PLAC9: variants seen among roughly 807,000 people sequenced by gnomAD.
PLAC9 encodes placenta-specific protein 9.
Under a neutral mutation model 11.5 loss-of-function variants are expected in PLAC9, and 12 were observed. The ratio of observed to expected loss-of-function variants is 1.05; its 90% CI spans 0.67 to 1.69. The LOEUF (loss-of-function observed/expected upper bound fraction) is 1.69, where lower values mean the gene tolerates loss of function less well. PLAC9 is among the 40% of genes most tolerant of loss of function. PLAC9 has a pLI of 0.00. For synonymous variants in PLAC9, 62 were observed against 58.1 expected, an observed-to-expected ratio of 1.07 and a Z score of -0.31; for missense variants, 132 against 130.5, an observed-to-expected ratio of 1.01 and a Z score of -0.06.
chr10:80,135,961 A>C (rs1172005500), intron 1 of PLAC9, among the ~76,000 whole-genome samples: 1 of 152,208 alleles, frequency 6.6e-6, no homozygotes, highest in Non-Finnish European at 1.5e-5. Context: ...GGCACCTTTC[A>C]GATGCCACTG....
chr10:80,142,328 T>A, intron 2 of PLAC9, 149 bp downstream of exon 2: 1 of 617,440 alleles, frequency 1.6e-6, no homozygotes, highest in Non-Finnish European at 2.7e-6. Flanking sequence ...CCCTCCCATC[T>A]AGGCTGCCGG....
intron 3 of PLAC9, 83 bp from the exon 4 acceptor site, chr10:80,144,817 A>C: frequency 7.3e-7 from 1 of 1,376,784 alleles, no homozygotes; most frequent in Non-Finnish European, 9.7e-7. Flanking sequence ...CGGGGAGGGA[A>C]GGGAAGGAAC....
At chr10:80,139,244 G>A (rs1184486860) in intron 1 of PLAC9, among the ~76,000 whole-genome samples, 5 of 152,130 alleles carry the variant, frequency 3.3e-5, no homozygotes, top group South Asian at 4.2e-4. Flanking sequence ...GAGCCACCGC[G>A]CCTGGCTAAA....
Position 80,145,075 on chromosome 10 carries a change from C to T in PLAC9, c.*165C>T. 3 of 898,076 alleles carry T rather than the reference C, an allele frequency of 3.3e-6. No homozygotes were observed. The highest frequency in any genetic ancestry group is 5.3e-6 in the Non-Finnish European group (3 of 561,528). 55.6% of individuals were successfully genotyped at this position (898,076 alleles called of 1,614,324 possible). On this transcript the variant is annotated 3_prime_UTR_variant, in exon 4 of 4. Transcript: ENST00000372263. ...GAGTAACCCGTTTAACTACAGCCTC[C>T]TCTCACTCCACTTCCATGCCTGGAG...
chr10:80,136,792 T>C (rs1028320468), intron 1 of PLAC9, among the ~76,000 whole-genome samples: 2 of 152,020 alleles, frequency 1.3e-5, no homozygotes, highest in Non-Finnish European at 2.9e-5. Context: ...GGATTACAGG[T>C]GTGAACCACC....
intron 1 of PLAC9, among the ~76,000 whole-genome samples, chr10:80,137,234 G>A (rs1844989715): frequency 6.6e-6 from 1 of 152,182 alleles, no homozygotes; most frequent in African/African-American, 2.4e-5. Flanking sequence ...CCTTTTCCCT[G>A]GAGGGGTTTT....
intron 1 of PLAC9, among the ~76,000 whole-genome samples, chr10:80,137,757 A>G (rs1043535060): frequency 1.3e-5 from 2 of 152,112 alleles, no homozygotes; most frequent in African/African-American, 4.8e-5. Context: ...TCTACAAAAA[A>G]TACAAAACGT....
chr10:80,142,122 G>C lies in PLAC9; in HGVS notation c.105G>C (p.Gln35His). The change falls in exon 2 of 4, where the codon CAG becomes CAC. Residue 35 changes from glutamine (Q) to histidine (H), a missense_variant. By Grantham distance (24) the Gln-to-His change is conservative. Coordinates refer to ENST00000372263, the MANE Select transcript of PLAC9 (RefSeq NM_001012973.3). ...PFSPPRGDSA[Q>H]STACDRHMAV... Reference sequence around the variant, plus strand: ...GCCCTCCGCGAGGAGACTCAGCTCAGAGCACAGCGTGTGACAGACACATGG... The same window carrying C: ...GCCCTCCGCGAGGAGACTCAGCTCACAGCACAGCGTGTGACAGACACATGG... The C allele has an allele frequency of 6.2e-7, 1 of 1,611,672 alleles. No individual in the cohort carries two copies. Among genetic ancestry groups the C allele is most frequent in the Non-Finnish European group, 8.5e-7 (1 of 1,178,132 alleles).
intron 2 of PLAC9, among the ~76,000 whole-genome samples, chr10:80,143,115 T>C (rs941944927): frequency 6.6e-6 from 1 of 152,014 alleles, no homozygotes; most frequent in South Asian, 2.1e-4. Context: ...CTTGGCTCAC[T>C]GCAACCTCTG....
In PLAC9 at chr10:80,132,825, C is replaced by A; in HGVS notation, c.63C>A (p.Ala21=). 6.7e-7 allele frequency: 1 copy of A among 1,496,044 alleles called. No homozygotes were observed. The highest frequency in any genetic ancestry group is 1.3e-5 in the South Asian group (1 of 79,728). The allele number at this position is 1,496,044 out of a possible 1,614,324, so 92.7% of individuals were successfully genotyped here. A position where few individuals can be genotyped will look rare whatever the true frequency, so the allele number is the denominator to read the frequency against. The change falls in exon 1 of 4, where the codon GCC becomes GCA. Residue 21 remains alanine, a splice_region_variant and synonymous_variant. Coordinates refer to ENST00000372263, the MANE Select transcript of PLAC9 (RefSeq NM_001012973.3). ...LALLRAAGSL[A]AAEPFSPPRG... ...TGCTCCGCGCCGCGGGCTCTTTGGC[C>A]GGTGAGTGGGGCGCAGGGCGCGGCA...
chr10:80,142,362 T>C (rs1845050670), intron 2 of PLAC9, among the ~76,000 whole-genome samples, 183 bp downstream of exon 2: 1 of 152,112 alleles, frequency 6.6e-6, no homozygotes, highest in Non-Finnish European at 1.5e-5. Flanking sequence ...CAGTGGACCC[T>C]GCCTCCCCTA....
intron 1 of PLAC9, among the ~76,000 whole-genome samples, chr10:80,140,922 T>G (rs1255224839): frequency 6.6e-6 from 1 of 152,190 alleles, no homozygotes; most frequent in Non-Finnish European, 1.5e-5. Context: ...TTGGCCCTCT[T>G]CTTGGCCTCA....
rs1845046300 is a variant in PLAC9 at position 80,142,066 on chromosome 10, A to G, written c.65-16A>G. 3.1e-6 allele frequency: 5 copies of G among 1,599,400 alleles called. No homozygotes were observed. The South Asian group carries it at 3.3e-5, about 11-fold the overall frequency. On this transcript the variant is annotated splice_polypyrimidine_tract_variant and intron_variant, in intron 1 of 3. Coordinates refer to ENST00000372263, the MANE Select transcript of PLAC9 (RefSeq NM_001012973.3). ...AAACTAAGGGTCCCACAGTGACAAG[A>G]CTTGTTTTCCCACAGCTGCCGAACC...
chr10:80,138,802 A>G (rs1205621814), intron 1 of PLAC9, among the ~76,000 whole-genome samples: 1 of 152,070 alleles, frequency 6.6e-6, no homozygotes, highest in Admixed American at 6.6e-5. Flanking sequence ...ATCCAATACC[A>G]AGGCCTTACA....
At chr10:80,139,555 G>A (rs952054906) in intron 1 of PLAC9, among the ~76,000 whole-genome samples, 1 of 152,116 alleles carries the variant, frequency 6.6e-6, no homozygotes, top group African/African-American at 2.4e-5. Flanking sequence ...AGGATTCCTT[G>A]TTGATGCCGG....
chr10:80,132,657 G>C, upstream of PLAC9: 1 of 951,458 alleles, frequency 1.1e-6, no homozygotes, highest in Non-Finnish European at 1.5e-6. Context: ...GAGCCGCCCA[G>C]GAATTTTGGC....
upstream of PLAC9, chr10:80,132,525 C>G: frequency 2.3e-6 from 1 of 434,048 alleles, no homozygotes; most frequent in East Asian, 3.9e-5. Context: ...GCGGCCCCTT[C>G]CTCGGGAGGC....
intron 1 of PLAC9, among the ~76,000 whole-genome samples, chr10:80,141,127 AT>A (rs1312437748): frequency 1.3e-5 from 2 of 152,066 alleles, no homozygotes. Context: ...TGCTACTGAA[AT>A]ATCTCCTTTC....
chr10:80,144,069 G>A, intron 2 of PLAC9, 154 bp from the exon 3 acceptor site: 2 of 990,078 alleles, frequency 2.0e-6, no homozygotes, highest in Non-Finnish European at 3.1e-6. Context: ...GGCAGGTAGG[G>A]GCAGAGCCTG....
Sources: allele counts gnomAD v4.1 joint callset (sites outside exome capture counted in the v4.1 genomes callset), GRCh38; gene constraint gnomAD v4.1.1; transcripts MANE v1.5; gene names NCBI Gene and HGNC (gene_info 2026-07-23, HGNC 2026-07-21).